The following ACSM1 variants were observed in gnomAD, a reference collection of about 807,000 sequenced individuals.
The protein encoded by ACSM1 is acyl-CoA synthetase medium chain family member 1, also known as acyl-coenzyme A synthetase ACSM1, mitochondrial.
A neutral mutation model predicts 75.8 loss-of-function variants in ACSM1; 79 were observed. That is an observed-to-expected ratio of 1.04 (90% CI 0.87 to 1.26). The LOEUF (loss-of-function observed/expected upper bound fraction) is 1.26, where lower values mean the gene tolerates loss of function less well. ACSM1 is among the 50% of genes most tolerant of loss of function. The pLI is 0.00. For synonymous variants in ACSM1, 279 were observed against 265.8 expected (o/e 1.05, Z -0.48); for missense variants, 676 against 720.1 (o/e 0.94, Z 0.70).
chr16:20,636,165 T>C (rs1271221954), intron 10 of ACSM1, among the ~76,000 whole-genome samples: 4 of 152,172 alleles, frequency 2.6e-5, no homozygotes, highest in Non-Finnish European at 5.9e-5. Flanking sequence ...CCATGGCCAA[T>C]ATTGGGAGCT....
intron 6 of ACSM1, among the ~76,000 whole-genome samples, chr16:20,669,132 A>G (rs2019735044): frequency 1.3e-5 from 2 of 152,024 alleles, no homozygotes; most frequent in South Asian, 4.1e-4. Context: ...GAAAGAATTC[A>G]TGCAGGTGAC....
chr16:20,687,639 A>C (rs1259313097), intron 2 of ACSM1, among the ~76,000 whole-genome samples: 2 of 152,218 alleles, frequency 1.3e-5, no homozygotes, highest in African/African-American at 4.8e-5. Context: ...AAATAAACAC[A>C]GGATTCAGCT....
At chr16:20,647,464 T>C (rs184134643) in intron 7 of ACSM1, among the ~76,000 whole-genome samples, 1 of 152,298 alleles carries the variant, frequency 6.6e-6, no homozygotes, top group East Asian at 1.9e-4. Context: ...TTACAGAAGA[T>C]AGACCTTCAT....
rs1442804605 is a variant in ACSM1, at chr16:20,661,787, A to G, written c.992+7T>C. The G allele has an allele frequency of 1.9e-6, 3 of 1,604,022 alleles. No homozygotes were observed. Among genetic ancestry groups the G allele is most frequent in the East Asian group, 2.2e-5 (1 of 44,690 alleles). On this transcript the variant is annotated splice_region_variant and intron_variant, in intron 7 of 13. Transcript: ENST00000520010. ...AAAGATGTTGTTACAAGCCACTTCT[A>G]CCATACCTGGTGAAATCCTGCTGCA...
At chr16:20,635,101 CA>C (rs5816130) in intron 10 of ACSM1, among the ~76,000 whole-genome samples, 1 of 151,020 alleles carries the variant, frequency 6.6e-6, no homozygotes, top group African/African-American at 2.4e-5. Context: ...CATGCTCAAT[CA>C]AAAAAAAATT....
intron 4 of ACSM1, among the ~76,000 whole-genome samples, chr16:20,675,578 A>G (rs1054572884): frequency 1.3e-5 from 2 of 152,218 alleles, no homozygotes; most frequent in African/African-American, 4.8e-5. Context: ...AGTGCATGAT[A>G]AAGAATTTTT....
rs147934608 is a variant in ACSM1, at chr16:20,648,449, C to T, written c.993-7865G>A. On this transcript the variant is annotated intron_variant, in intron 7 of 13. Coordinates refer to ENST00000520010, the MANE Select transcript of ACSM1 (RefSeq NM_001318890.3). This position sits in a 1 kb window ranked among gnomAD's most constrained non-coding sequence, Gnocchi z 4.2. ...GCAGCCCCAGCCAACAGAATGGACC[C>T]CTCCTCTCAGTCAATTGCATTCCAA... Among the ~76,000 whole-genome samples the T allele has an allele frequency of 6.2e-3, 948 of 152,212 alleles. 15 individuals are homozygous for T. Among genetic ancestry groups the T allele is most frequent in the South Asian group, 0.032 (154 of 4,804 alleles).
chr16:20,674,341 T>C (rs938715477), intron 4 of ACSM1, among the ~76,000 whole-genome samples: 2 of 152,166 alleles, frequency 1.3e-5, no homozygotes, highest in African/African-American at 2.4e-5. Context: ...TTGCAAAACA[T>C]GTTTTTCCTT....
At chr16:20,643,952 G>A (rs563913708) in intron 7 of ACSM1, among the ~76,000 whole-genome samples, 1 of 152,242 alleles carries the variant, frequency 6.6e-6, no homozygotes, top group South Asian at 2.1e-4. Context: ...AGTGCTGATT[G>A]GTGCTTTGAC....
At chr16:20,694,373 T>C (rs1332154204) in intron 1 of ACSM1, among the ~76,000 whole-genome samples, 1 of 152,190 alleles carries the variant, frequency 6.6e-6, no homozygotes, top group Admixed American at 6.5e-5. Context: ...GCTGAGTAAA[T>C]TAAATTTACA....
intron 9 of ACSM1, 191 bp downstream of exon 9, chr16:20,637,180 T>C (rs760356548): frequency 1.2e-5 from 9 of 766,272 alleles, no homozygotes; most frequent in Non-Finnish European, 2.1e-5. Flanking sequence ...GCTGCCAGGG[T>C]CAGCGGTGTT....
chr16:20,661,508 A>G (rs2019297167), intron 7 of ACSM1, among the ~76,000 whole-genome samples: 1 of 152,106 alleles, frequency 6.6e-6, no homozygotes, highest in African/African-American at 2.4e-5. Context: ...AATTTCAATA[A>G]TTTATTAATC....
intron 7 of ACSM1, among the ~76,000 whole-genome samples, chr16:20,659,210 G>A (rs1229623619): frequency 2.0e-5 from 3 of 151,952 alleles, no homozygotes; most frequent in Non-Finnish European, 2.9e-5. Context: ...TATCCAAAAC[G>A]CTAGTGTTTA....
At chr16:20,626,197 C>G (rs1596775541) in intron 11 of ACSM1, among the ~76,000 whole-genome samples, 1 of 152,026 alleles carries the variant, frequency 6.6e-6, no homozygotes, top group African/African-American at 2.4e-5. Flanking sequence ...ACCAGGCTGG[C>G]CAAGATGGTG....
At chr16:20,686,440 AG>A (rs1567311686) in intron 2 of ACSM1, among the ~76,000 whole-genome samples, 1 of 152,136 alleles carries the variant, frequency 6.6e-6, no homozygotes, top group Non-Finnish European at 1.5e-5. Context: ...TTACACAGGC[AG>A]GGGAACAACA....
At chr16:20,678,901 G>C (rs913359939) in intron 4 of ACSM1, among the ~76,000 whole-genome samples, 29 of 152,064 alleles carry the variant, frequency 1.9e-4, no homozygotes, top group African/African-American at 6.8e-4. Context: ...CCCCCTCTGA[G>C]ATTTTGTTCA....
intron 7 of ACSM1, among the ~76,000 whole-genome samples, chr16:20,655,036 G>C (rs2018871731): frequency 6.6e-6 from 1 of 152,028 alleles, no homozygotes; most frequent in African/African-American, 2.4e-5. Context: ...AAGAAAATGT[G>C]GCACATATAC....
At chr16:20,645,747 A>T (rs2018325519) in intron 7 of ACSM1, among the ~76,000 whole-genome samples, 1 of 152,186 alleles carries the variant, frequency 6.6e-6, no homozygotes, top group Non-Finnish European at 1.5e-5. Context: ...GGGACGCAGA[A>T]TCAGAACATG....
chr16:20,661,968 G>A (rs1011247582), intron 6 of ACSM1, 95 bp from the exon 7 acceptor site: 44 of 697,670 alleles, frequency 6.3e-5, no homozygotes, highest in Non-Finnish European at 1.0e-4. Context: ...CCCACTAGAA[G>A]AGCCCATTTG....
Sources: gnomAD v4.1 joint callset for allele counts (sites outside exome capture counted in the v4.1 genomes callset) on GRCh38, gnomAD v4.1.1 for gene constraint, Gnocchi (gnomAD v3.1) non-coding constraint, MANE v1.5 for transcripts, NCBI Gene and HGNC (gene_info 2026-07-23, HGNC 2026-07-21) for gene names.